Variants in UBXN7 observed in about 807,000 individuals in gnomAD.
UBXN7 encodes the protein UBX domain-containing protein 7.
UBXN7 carries 9 observed loss-of-function variants against 58.0 expected under a neutral mutation model. The observed-to-expected ratio is 0.16, with a 90% CI of 0.09 to 0.27. The LOEUF (loss-of-function observed/expected upper bound fraction) is 0.27, where lower values mean the gene tolerates loss of function less well. UBXN7 is among the 10% of genes least tolerant of loss of function. UBXN7 has a pLI of 1.00. For missense variants in UBXN7, 328 were observed against 599.6 expected, an observed-to-expected ratio of 0.55 and a Z score of 4.73; for synonymous variants, 208 against 205.0, an observed-to-expected ratio of 1.01 and a Z score of -0.12.
In UBXN7 at chr3:196,351,425, T is replaced by G. The variant is rs966780341; in HGVS notation, c.*5260A>C. On this transcript the variant is annotated 3_prime_UTR_variant, in exon 11 of 11. Coordinates refer to ENST00000296328, the MANE Select transcript of UBXN7 (RefSeq NM_015562.2). ...TACTATACTCTCCTCTTTGGAGATTTCAGTCATCGCAGTAAGATTAAGAGC... is the reference window on the plus strand; with the variant it reads ...TACTATACTCTCCTCTTTGGAGATTGCAGTCATCGCAGTAAGATTAAGAGC... 5 of 152,156 alleles carry G rather than the reference T, an allele frequency of 3.3e-5. No individual in the cohort carries two copies. Among genetic ancestry groups the G allele is most frequent in the African/African-American group, 1.2e-4 (5 of 41,434 alleles). The allele number at this position is 152,156 out of a possible 1,614,324, so 9.4% of individuals were successfully genotyped here. A position where few individuals can be genotyped will look rare whatever the true frequency, so the allele number is the denominator to read the frequency against.
At chr3:196,424,216 T>C (rs1209325384) in intron 1 of UBXN7, among the ~76,000 whole-genome samples, 1 of 151,968 alleles carries the variant, frequency 6.6e-6, no homozygotes, top group African/African-American at 2.4e-5. Context: ...AGTGCCATGA[T>C]ACTCTCCTGG....
At chr3:196,384,980 G>T (rs1352621693) in intron 5 of UBXN7, among the ~76,000 whole-genome samples, 1 of 152,098 alleles carries the variant, frequency 6.6e-6, no homozygotes. Context: ...TAAATAAAGG[G>T]TATTCAATTA....
intron 1 of UBXN7, chr3:196,432,030 C>T (rs1731077334): frequency 7.3e-6 from 4 of 545,516 alleles, no homozygotes; most frequent in Non-Finnish European, 1.0e-5. Context: ...CCCGGGTCCC[C>T]GGGCCGGCGG....
At chr3:196,358,719 C>T (rs1300230048) in intron 10 of UBXN7, among the ~76,000 whole-genome samples, 2 of 152,054 alleles carry the variant, frequency 1.3e-5, no homozygotes, top group African/African-American at 2.4e-5. Context: ...CCAGCCTGAG[C>T]GACAGAGCGA....
chr3:196,365,042 G>C (rs1305668324), intron 8 of UBXN7, among the ~76,000 whole-genome samples: 1 of 148,320 alleles, frequency 6.7e-6, no homozygotes, highest in African/African-American at 2.4e-5. Context: ...GGCTCCTATT[G>C]AATTTCATTC....
At chr3:196,394,234 G>A (rs1316240458) in intron 3 of UBXN7, among the ~76,000 whole-genome samples, 1 of 143,886 alleles carries the variant, frequency 6.9e-6, no homozygotes, top group Non-Finnish European at 1.5e-5. Context: ...GTTGCAGTAA[G>A]CCAAGACTGC....
chr3:196,420,313 AC>A (rs1730640370), intron 1 of UBXN7, among the ~76,000 whole-genome samples: 2 of 152,088 alleles, frequency 1.3e-5, no homozygotes, highest in South Asian at 4.1e-4. Flanking sequence ...TGGGTGGATC[AC>A]CTGAAGTCAG....
At chr3:196,377,655 TTGTA>T (rs1284463207) in intron 5 of UBXN7, among the ~76,000 whole-genome samples, 3 of 152,048 alleles carry the variant, frequency 2.0e-5, no homozygotes, top group Admixed American at 6.6e-5. Flanking sequence ...CCTTCCCTTA[TTGTA>T]TTTTATTCTC....
chr3:196,425,151 A>G (rs1201140053), intron 1 of UBXN7, among the ~76,000 whole-genome samples: 2 of 152,088 alleles, frequency 1.3e-5, no homozygotes, highest in Non-Finnish European at 2.9e-5. Context: ...TCTTCTCCCC[A>G]CACCTTTCTG....
chr3:196,401,764 AT>A (rs201092578), intron 3 of UBXN7, among the ~76,000 whole-genome samples: 1,590 of 127,734 alleles, frequency 0.012, 125 homozygotes, highest in African/African-American at 0.036. Flanking sequence ...CTCCATCTCT[AT>A]TTTAAAAAAA....
intron 2 of UBXN7, among the ~76,000 whole-genome samples, chr3:196,404,525 G>A (rs1730099570): frequency 6.6e-6 from 1 of 152,168 alleles, no homozygotes; most frequent in Non-Finnish European, 1.5e-5. Flanking sequence ...GCCTCCCAAA[G>A]TGCTGGGATT....
rs1730873322 is a variant in UBXN7 at position 196,427,084 on chromosome 3, C to T, written c.73+5243G>A. On this transcript the variant is annotated intron_variant, in intron 1 of 10. Coordinates refer to ENST00000296328, the MANE Select transcript of UBXN7 (RefSeq NM_015562.2). ...CTTCTTAGCCTCCACTTTCTATGCC[C>T]TCACATTTGTCCTTAGACTGCTAGC... Among the ~76,000 whole-genome samples the T allele has an allele frequency of 2.0e-5, 3 of 152,138 alleles. No homozygotes were observed. The South Asian group carries it at 6.2e-4, about 32-fold the overall frequency.
chr3:196,377,670 C>CA (rs1729074251), intron 5 of UBXN7, among the ~76,000 whole-genome samples: 1 of 151,096 alleles, frequency 6.6e-6, no homozygotes, highest in Non-Finnish European at 1.5e-5. Flanking sequence ...TTTTATTCTC[C>CA]TTTTTTTTTC....
chr3:196,390,495 A>T (rs1329501613), intron 5 of UBXN7, among the ~76,000 whole-genome samples: 1 of 152,106 alleles, frequency 6.6e-6, no homozygotes, highest in Non-Finnish European at 1.5e-5. Flanking sequence ...TAATCCCAGC[A>T]CTGTGGGAGG....
At chr3:196,402,327 C>A (rs1730020649) in intron 3 of UBXN7, among the ~76,000 whole-genome samples, 1 of 152,174 alleles carries the variant, frequency 6.6e-6, no homozygotes, top group African/African-American at 2.4e-5. Context: ...CAAAGTATTT[C>A]TCTGCATTAA....
At chr3:196,366,613 C>T (rs1728674945) in intron 8 of UBXN7, among the ~76,000 whole-genome samples, 1 of 152,056 alleles carries the variant, frequency 6.6e-6, no homozygotes, top group Non-Finnish European at 1.5e-5. Flanking sequence ...AAAAATGTTG[C>T]TAGGTGTGGT....
At position 196,361,814 on chromosome 3, in the gene UBXN7, G is replaced by A. The variant is rs779177658; in HGVS notation, c.1308+30C>T. The A allele has an allele frequency of 7.5e-6, 12 of 1,594,410 alleles. No homozygotes were observed. The African/African-American group carries it at 1.1e-4, about 14-fold the overall frequency. Reference sequence around the variant, plus strand: ...TGGGACTCGTCTTATTGCAGTGGTCGGAACTGAACCAAAGCAAGCCTGTAC... The same window carrying A: ...TGGGACTCGTCTTATTGCAGTGGTCAGAACTGAACCAAAGCAAGCCTGTAC... On this transcript the variant is annotated intron_variant, in intron 10 of 10. Transcript: ENST00000296328.
intron 10 of UBXN7, among the ~76,000 whole-genome samples, chr3:196,359,581 A>G (rs1728449271): frequency 6.6e-6 from 1 of 152,210 alleles, no homozygotes; most frequent in African/African-American, 2.4e-5. Flanking sequence ...TTCTGGAAGG[A>G]AATTAAAAGT....
rs1362347673 is a variant in UBXN7 at position 196,407,515 on chromosome 3, A to G, written c.74-122T>C. The G allele has an allele frequency of 2.0e-5, 27 of 1,352,952 alleles. No individual in the cohort carries two copies. In the Admixed American group the frequency reaches 8.0e-4, roughly 40 times the overall value. The allele number at this position is 1,352,952 out of a possible 1,614,324, so 83.8% of individuals were successfully genotyped here. On this transcript the variant is annotated intron_variant, in intron 1 of 10. Coordinates refer to ENST00000296328, the MANE Select transcript of UBXN7 (RefSeq NM_015562.2). ...GTATTTTTCCCTTTTAGAATGAATG[A>G]CTTTCTTGTGAAATACACAGAGCTA...
Sources: allele counts gnomAD v4.1 joint callset (sites outside exome capture counted in the v4.1 genomes callset), GRCh38; gene constraint gnomAD v4.1.1; transcripts MANE v1.5; gene names NCBI Gene and HGNC (gene_info 2026-07-23, HGNC 2026-07-21).